The following R3HDM1 variants were observed in gnomAD, a reference collection of about 807,000 sequenced individuals.
R3HDM1 encodes R3H domain-containing protein 1.
Under a neutral mutation model 141.1 loss-of-function variants are expected in R3HDM1, and 46 were observed. The observed-to-expected ratio is 0.33, with a 90% CI of 0.26 to 0.42. R3HDM1 has a LOEUF of 0.42. R3HDM1 is among the 10% of genes least tolerant of loss of function. The pLI, the probability that R3HDM1 is intolerant of heterozygous loss-of-function variation, is 1.00. For synonymous variants in R3HDM1, 435 were observed against 472.9 expected, an observed-to-expected ratio of 0.92 and a Z score of 1.04; for missense variants, 1,184 against 1,368.3, an observed-to-expected ratio of 0.87 and a Z score of 2.12.
chr2:135,635,518 G>A (rs1044599905), intron 9 of R3HDM1, among the ~76,000 whole-genome samples: 1 of 152,120 alleles, frequency 6.6e-6, no homozygotes, highest in African/African-American at 2.4e-5. Context: ...TTCATCTTCA[G>A]AACAACCCTA....
intron 1 of R3HDM1, among the ~76,000 whole-genome samples, chr2:135,590,333 G>A (rs1200335972): frequency 1.3e-5 from 2 of 152,066 alleles, no homozygotes; most frequent in Non-Finnish European, 2.9e-5. Flanking sequence ...TAGAGAGAGA[G>A]AGCAGAACAT....
chr2:135,644,301 G>A (rs1037327143), intron 15 of R3HDM1, among the ~76,000 whole-genome samples: 6 of 151,868 alleles, frequency 4.0e-5, no homozygotes, highest in Admixed American at 2.6e-4. Flanking sequence ...TCAGGAGTTC[G>A]AGACCAGCCT....
intron 1 of R3HDM1, chr2:135,566,801 C>A (rs1229412950): frequency 2.0e-6 from 2 of 982,634 alleles, no homozygotes; most frequent in Middle Eastern, 5.2e-4. Flanking sequence ...TGGTGAAACC[C>A]CGTCTCTACA....
chr2:135,671,173 T>G (rs1194885258), intron 19 of R3HDM1, among the ~76,000 whole-genome samples: 1 of 151,130 alleles, frequency 6.6e-6, no homozygotes, highest in East Asian at 1.9e-4. Context: ...TTTGAGTTCT[T>G]CCTAAGCACT....
In R3HDM1 at chr2:135,702,286, G is replaced by A. The variant is rs1457087516; in HGVS notation, c.2460-7147G>A. ...GCTGGTAATCCCAGCATTTTTGGAG[G>A]CCAAGGTGGTTAGATGACCTGAGGT... On this transcript the variant is annotated intron_variant, in intron 21 of 26. Transcript: ENST00000683871. Among the ~76,000 whole-genome samples, 5 of 146,678 alleles carry A rather than the reference G, an allele frequency of 3.4e-5. No individual in the cohort carries two copies. The East Asian group carries it at 1.0e-3, about 30-fold the overall frequency.
At chr2:135,544,012 T>C (rs1339490134) in intron 1 of R3HDM1, among the ~76,000 whole-genome samples, 1 of 152,226 alleles carries the variant, frequency 6.6e-6, no homozygotes, top group Non-Finnish European at 1.5e-5. Context: ...ACAAGTTAAG[T>C]TACTTAGCCT....
At chr2:135,593,242 A>AT (rs1709757698) in intron 1 of R3HDM1, among the ~76,000 whole-genome samples, 1 of 151,800 alleles carries the variant, frequency 6.6e-6, no homozygotes, top group Non-Finnish European at 1.5e-5. Flanking sequence ...TTTAAAAGAG[A>AT]TTTTACCTCA....
intron 11 of R3HDM1, 134 bp from the exon 12 acceptor site, chr2:135,638,480 ATTAT>A (rs2063478559): frequency 1.2e-6 from 1 of 817,250 alleles, no homozygotes. Context: ...AAATTCCATT[ATTAT>A]TTATTTGTGT....
At chr2:135,677,573 A>G (rs1410826498) in intron 20 of R3HDM1, among the ~76,000 whole-genome samples, 1 of 151,290 alleles carries the variant, frequency 6.6e-6, no homozygotes, top group African/African-American at 2.5e-5. Flanking sequence ...GTTTTTTTTT[A>G]ATTAGCTGGA....
intron 2 of R3HDM1, among the ~76,000 whole-genome samples, chr2:135,604,383 C>T (rs1255565240): frequency 6.6e-6 from 1 of 152,162 alleles, no homozygotes; most frequent in Non-Finnish European, 1.5e-5. Flanking sequence ...TGATCTGGCT[C>T]GGTCCTTAAT....
chr2:135,549,577 A>AC (rs1699440669), intron 1 of R3HDM1, among the ~76,000 whole-genome samples: 3 of 145,580 alleles, frequency 2.1e-5, no homozygotes, highest in Non-Finnish European at 4.5e-5. Flanking sequence ...AAAAAAAAAA[A>AC]AAAACAAAAA....
chr2:135,592,652 C>G (rs1267534464), intron 1 of R3HDM1, among the ~76,000 whole-genome samples: 1 of 152,090 alleles, frequency 6.6e-6, no homozygotes, highest in Non-Finnish European at 1.5e-5. Flanking sequence ...TCCAGGAATC[C>G]AAACCTTTTG....
chr2:135,712,730 G>A (rs1284711044), intron 23 of R3HDM1, among the ~76,000 whole-genome samples: 1 of 151,274 alleles, frequency 6.6e-6, no homozygotes, highest in African/African-American at 2.4e-5. Context: ...GACCATCCTG[G>A]TTAACATGGT....
intron 1 of R3HDM1, among the ~76,000 whole-genome samples, chr2:135,577,752 C>T (rs888563104): frequency 1.3e-5 from 2 of 150,256 alleles, no homozygotes; most frequent in East Asian, 2.0e-4. Flanking sequence ...GCAGGAGAAT[C>T]GCTTGAACTC....
chr2:135,614,525 C>A (rs547183078), intron 3 of R3HDM1, among the ~76,000 whole-genome samples: 1 of 152,276 alleles, frequency 6.6e-6, no homozygotes, highest in African/African-American at 2.4e-5. Flanking sequence ...AACTTTTAGA[C>A]AGATAAAAGT....
Position 135,604,931 on chromosome 2 carries a change from T to C in R3HDM1, c.86T>C (p.Val29Ala), listed in dbSNP as rs775735747. Residue 29 changes from valine (V) to alanine (A), a missense_variant, in exon 3 of 27, where the codon GTT becomes GCT. Val to Ala is a moderately conservative substitution (Grantham distance 64). Coordinates refer to ENST00000683871, the MANE Select transcript of R3HDM1 (RefSeq NM_001378107.1). ...LEAEVKDTTR[V>A]ENLIKSENYG... ...GCAGAAGTGAAAGATACAACCAGAG[T>C]TGAAAATCTTATCAAATCAGAAAAC... The C allele has an allele frequency of 1.4e-5, 23 of 1,612,144 alleles. No individual in the cohort carries two copies. The Admixed American group carries it at 3.8e-4, about 27-fold the overall frequency.
chr2:135,603,903 G>C (rs1027427209), intron 2 of R3HDM1, among the ~76,000 whole-genome samples: 3 of 152,120 alleles, frequency 2.0e-5, no homozygotes, highest in Non-Finnish European at 4.4e-5. Context: ...CACCGCAGCC[G>C]GCCAAGTTCT....
chr2:135,650,246 AG>A, intron 17 of R3HDM1: 3 of 984,184 alleles, frequency 3.0e-6, no homozygotes, highest in South Asian at 9.4e-5. Context: ...AAGAATTTTC[AG>A]GTTGATTATT....
At chr2:135,654,244 CTTCA>C (rs1464488783) in intron 18 of R3HDM1, among the ~76,000 whole-genome samples, 1 of 151,648 alleles carries the variant, frequency 6.6e-6, no homozygotes, top group Non-Finnish European at 1.5e-5. Flanking sequence ...TTGTGTCTGA[CTTCA>C]TTCATTTAAC....
Sources: allele counts gnomAD v4.1 joint callset (sites outside exome capture counted in the v4.1 genomes callset), GRCh38; gene constraint gnomAD v4.1.1; transcripts MANE v1.5; gene names NCBI Gene and HGNC (gene_info 2026-07-23, HGNC 2026-07-21).